The following MYOF variants were observed in gnomAD, a reference collection of about 807,000 sequenced individuals.
The protein encoded by MYOF is fer-1-like 3, myoferlin.
In MYOF, 244 loss-of-function variants were observed where a neutral mutation model predicts 284.2. That is an observed-to-expected ratio of 0.86 (90% CI 0.77 to 0.95). The LOEUF (loss-of-function observed/expected upper bound fraction) is 0.95. MYOF is among the 40% of genes least tolerant of loss of function. The probability of loss-of-function intolerance (pLI) is 0.00; values close to 1 mark genes in which losing one functional copy is unlikely to be tolerated. For synonymous variants in MYOF, 904 were observed against 919.7 expected, an observed-to-expected ratio of 0.98 and a Z score of 0.31; for missense variants, 2,496 against 2,560.6, an observed-to-expected ratio of 0.97 and a Z score of 0.54.
chr10:93,427,456 G>A (rs1032452845), intron 4 of MYOF, among the ~76,000 whole-genome samples: 2 of 149,824 alleles, frequency 1.3e-5, no homozygotes, highest in African/African-American at 4.9e-5. Flanking sequence ...TCTTGAACTC[G>A]GGAGGCGGAG....
chr10:93,396,953 G>A (rs1564682124), intron 15 of MYOF, among the ~76,000 whole-genome samples: 1 of 152,116 alleles, frequency 6.6e-6, no homozygotes, highest in Non-Finnish European at 1.5e-5. Flanking sequence ...CTGTATTTCT[G>A]AAGTCTATTC....
At chr10:93,366,729 C>T (rs538241510) in intron 25 of MYOF, among the ~76,000 whole-genome samples, 174 bp from the exon 26 acceptor site, 2 of 152,268 alleles carry the variant, frequency 1.3e-5, no homozygotes, top group South Asian at 2.1e-4. Context: ...TATGCAACTT[C>T]GGATAAATCA....
intron 32 of MYOF, 108 bp downstream of exon 32, chr10:93,353,703 G>T: frequency 1.1e-6 from 1 of 890,584 alleles, no homozygotes; most frequent in Non-Finnish European, 1.7e-6. Flanking sequence ...ACCTCAACAT[G>T]TAAAGGGTTT....
At chr10:93,423,797 C>A (rs1033765159) in intron 5 of MYOF, among the ~76,000 whole-genome samples, 144 of 151,004 alleles carry the variant, frequency 9.5e-4, no homozygotes, top group African/African-American at 3.4e-3. Flanking sequence ...CGTGCCACTG[C>A]ACTCCAGCCT....
At position 93,366,315 on chromosome 10, in the gene MYOF, G is replaced by A. The variant is rs1044719233; in HGVS notation, c.2753+77C>T. On this transcript the variant is annotated intron_variant, in intron 26 of 53. Coordinates refer to ENST00000359263, the MANE Select transcript of MYOF (RefSeq NM_013451.4). Reference sequence around the variant, plus strand: ...ACATAACTATTATCAAGATGATGACGGAGATATAATATATTTAGCAATTTC... The same window carrying A: ...ACATAACTATTATCAAGATGATGACAGAGATATAATATATTTAGCAATTTC... 53 of 1,435,314 alleles carry A rather than the reference G, an allele frequency of 3.7e-5. No homozygotes were observed. The African/African-American group carries it at 4.9e-4, about 13-fold the overall frequency. The allele number at this position is 1,435,314 out of a possible 1,614,324, so 88.9% of individuals were successfully genotyped here.
At chr10:93,464,098 A>G (rs942842836) in intron 1 of MYOF, among the ~76,000 whole-genome samples, 1 of 152,232 alleles carries the variant, frequency 6.6e-6, no homozygotes, top group African/African-American at 2.4e-5. Flanking sequence ...ATTACCCTCT[A>G]TAATTTAGAT....
At chr10:93,322,193 T>A (rs1347335007) in intron 48 of MYOF, among the ~76,000 whole-genome samples, 1 of 152,210 alleles carries the variant, frequency 6.6e-6, no homozygotes, top group African/African-American at 2.4e-5. Context: ...GAAGGCCACA[T>A]GGGATTATAG....
At chr10:93,314,085 A>T (rs77671074) in intron 50 of MYOF, among the ~76,000 whole-genome samples, 12,403 of 152,048 alleles carry the variant, frequency 0.082, 638 homozygotes, top group African/African-American at 0.14. Flanking sequence ...CCCTTCTATG[A>T]TGTAAGGCAT....
rs1377635363 is a variant in MYOF at position 93,479,145 on chromosome 10, C to CT, written c.88+2961dup. The stretch of plus-strand genomic sequence containing the variant: ...CTTGATCTTCTGGTATGGCTTTTTC[C>CT]TTTTTTTTTTTTTGAGATGGAGTCT... On this transcript the variant is annotated intron_variant, in intron 1 of 53. Coordinates refer to ENST00000359263, the MANE Select transcript of MYOF (RefSeq NM_013451.4). Among the ~76,000 whole-genome samples the CT allele has an allele frequency of 4.9e-3, 700 of 144,300 alleles. 2 individuals are homozygous for CT. Among genetic ancestry groups the CT allele is most frequent in the African/African-American group, 0.013 (506 of 39,708 alleles). The allele number at this position is 144,300 out of a possible 152,430, so 94.7% of individuals were successfully genotyped here. A position where few individuals can be genotyped will look rare whatever the true frequency, so the allele number is the denominator to read the frequency against.
intron 1 of MYOF, among the ~76,000 whole-genome samples, chr10:93,473,246 G>A (rs927389880): frequency 1.3e-5 from 2 of 152,214 alleles, no homozygotes; most frequent in South Asian, 4.1e-4. Flanking sequence ...AGGCTGCAGA[G>A]TTCATACTCT....
At chr10:93,403,694 C>A (rs1050449406) in intron 9 of MYOF, among the ~76,000 whole-genome samples, 11 of 152,144 alleles carry the variant, frequency 7.2e-5, no homozygotes, top group African/African-American at 1.2e-4. Flanking sequence ...GCAGATGGAG[C>A]TTTGGGGCCC....
Position 93,306,936 on chromosome 10 carries a change from A to ACT in MYOF, c.*25_*26dup. 6.2e-7 allele frequency: 1 copy of ACT among 1,607,196 alleles called. No homozygotes were observed. Among genetic ancestry groups the ACT allele is most frequent in the Non-Finnish European group, 8.5e-7 (1 of 1,174,516 alleles). ...GGCAGGATTCTCTCATTGCTGGATG[A>ACT]CTCTTGAAATGAAGCCTTTGCCTTT... On this transcript the variant is annotated 3_prime_UTR_variant, in exon 54 of 54. Coordinates refer to ENST00000359263, the MANE Select transcript of MYOF (RefSeq NM_013451.4).
At chr10:93,472,510 G>A (rs1183868871) in intron 1 of MYOF, among the ~76,000 whole-genome samples, 1 of 151,998 alleles carries the variant, frequency 6.6e-6, no homozygotes, top group Non-Finnish European at 1.5e-5. Flanking sequence ...ATGGTGGCAT[G>A]TGCCTGTAAT....
chr10:93,460,155 G>T (rs2056840170), intron 1 of MYOF, among the ~76,000 whole-genome samples: 1 of 152,202 alleles, frequency 6.6e-6, no homozygotes, highest in South Asian at 2.1e-4. Flanking sequence ...CAACCAGGGA[G>T]CCAAGGCAGG....
chr10:93,348,801 G>T (rs1844365798), intron 36 of MYOF, among the ~76,000 whole-genome samples: 1 of 152,156 alleles, frequency 6.6e-6, no homozygotes, highest in Admixed American at 6.5e-5. Flanking sequence ...CATAAGAGAG[G>T]TGAAAATGTT....
In MYOF at chr10:93,347,742, A is replaced by C; in HGVS notation, c.4124T>G (p.Ile1375Ser). The change falls in exon 37 of 54, where the codon ATC becomes AGC. Residue 1375 changes from isoleucine (I) to serine (S), a missense_variant. Physicochemically the swap from Ile to Ser is moderately radical, Grantham distance 142. Coordinates refer to ENST00000359263, the MANE Select transcript of MYOF (RefSeq NM_013451.4). ...AAACTGCCTGTGGTCGATGACCTTG[A>C]TCACCAGTGGGGGCATGTACAATTC... ...KEELYMPPLV[I>S]KVIDHRQFGR... 1 of 1,614,054 alleles carries C rather than the reference A, an allele frequency of 6.2e-7. No homozygotes were observed. Among genetic ancestry groups the C allele is most frequent in the Middle Eastern group, 1.7e-4 (1 of 6,048 alleles).
At chr10:93,454,276 A>T (rs1163305466) in intron 2 of MYOF, among the ~76,000 whole-genome samples, 1 of 152,148 alleles carries the variant, frequency 6.6e-6, no homozygotes, top group African/African-American at 2.4e-5. Context: ...CAATTATAAA[A>T]CAGTTTACTT....
At chr10:93,445,633 G>T (rs2056408151) in intron 3 of MYOF, among the ~76,000 whole-genome samples, 1 of 152,206 alleles carries the variant, frequency 6.6e-6, no homozygotes, top group Admixed American at 6.5e-5. Context: ...GAGGGGTGGG[G>T]AGGTGTCACT....
intron 28 of MYOF, among the ~76,000 whole-genome samples, chr10:93,361,072 G>A (rs984950342): frequency 5.9e-5 from 9 of 152,178 alleles, no homozygotes; most frequent in Non-Finnish European, 1.0e-4. Flanking sequence ...ACCAAGGACC[G>A]GTTCCATGGG....
Sources: gnomAD v4.1 joint callset for allele counts (sites outside exome capture counted in the v4.1 genomes callset) on GRCh38, gnomAD v4.1.1 for gene constraint, MANE v1.5 for transcripts, NCBI Gene and HGNC (gene_info 2026-07-23, HGNC 2026-07-21) for gene names.